The following RHOH variants were observed in gnomAD, a reference collection of about 807,000 sequenced individuals.
RHOH encodes the protein rho-related GTP-binding protein RhoH.
A neutral mutation model predicts 13.8 loss-of-function variants in RHOH; 6 were observed. The ratio of observed to expected loss-of-function variants is 0.44; its 90% CI spans 0.24 to 0.86. RHOH has a LOEUF of 0.86. RHOH is among the 40% of genes least tolerant of loss of function. The pLI, the probability that RHOH is intolerant of heterozygous loss-of-function variation, is 0.24. For missense variants in RHOH, 147 were observed against 244.5 expected (o/e 0.60, Z 2.66); for synonymous variants, 117 against 103.0 (o/e 1.14, Z -0.82).
chr4:40,217,641 A>C (rs904210770), intron 1 of RHOH, among the ~76,000 whole-genome samples: 1 of 152,238 alleles, frequency 6.6e-6, no homozygotes, highest in Non-Finnish European at 1.5e-5. Context: ...AATAGTAAGG[A>C]ATTCAATGAT....
At chr4:40,215,522 A>T (rs1416160315) in intron 1 of RHOH, among the ~76,000 whole-genome samples, 1 of 152,068 alleles carries the variant, frequency 6.6e-6, no homozygotes, top group Admixed American at 6.5e-5. Flanking sequence ...CCTTCTCTAA[A>T]CAGAGTCTAA....
At chr4:40,240,416 T>G (rs148165393) in intron 1 of RHOH, 56 of 152,054 alleles carry the variant, frequency 3.7e-4, no homozygotes, top group African/African-American at 1.3e-3. Flanking sequence ...GAGGCTGCAG[T>G]GAACCACCAT....
At position 40,243,049 on chromosome 4, in the gene RHOH, A is replaced by G; in HGVS notation, c.-209-129A>G. Reference sequence around the variant, plus strand: ...TGTGAGGGGAAGAGTGGATTGCACAAGCGGGGTTGGATGGCTACACTGAGA... The same window carrying G: ...TGTGAGGGGAAGAGTGGATTGCACAGGCGGGGTTGGATGGCTACACTGAGA... On this transcript the variant is annotated intron_variant, in intron 2 of 2. Coordinates refer to ENST00000381799, the MANE Select transcript of RHOH (RefSeq NM_004310.5). This position sits in a 1 kb window ranked among gnomAD's most constrained non-coding sequence, Gnocchi z 6.2. 4.2e-6 allele frequency: 1 copy of G among 236,710 alleles called. No homozygotes were observed. The highest frequency in any genetic ancestry group is 5.4e-5 in the Admixed American group (1 of 18,634). 14.7% of individuals were successfully genotyped at this position (236,710 alleles called of 1,614,324 possible). A position where few individuals can be genotyped will look rare whatever the true frequency, so the allele number is the denominator to read the frequency against.
At chr4:40,204,843 C>G (rs1299124875) in intron 1 of RHOH, among the ~76,000 whole-genome samples, 1 of 152,172 alleles carries the variant, frequency 6.6e-6, no homozygotes, top group African/African-American at 2.4e-5. Flanking sequence ...ATGATTAATG[C>G]TCTAAATCCT....
At chr4:40,229,631 T>C in intron 1 of RHOH, among the ~76,000 whole-genome samples, 1 of 128,300 alleles carries the variant, frequency 7.8e-6, no homozygotes, top group Non-Finnish European at 1.6e-5. Context: ...TGAAACGCCA[T>C]CTCAAAAAAA....
Position 40,246,253 on chromosome 4 carries a change from T to A in RHOH, c.*2291T>A, listed in dbSNP as rs555157673. The A allele has an allele frequency of 6.6e-5, 10 of 152,316 alleles. No homozygotes were observed. Among genetic ancestry groups the A allele is most frequent in the African/African-American group, 2.4e-4 (10 of 41,550 alleles). 9.4% of individuals were successfully genotyped at this position (152,316 alleles called of 1,614,324 possible). A position where few individuals can be genotyped will look rare whatever the true frequency, so the allele number is the denominator to read the frequency against. On this transcript the variant is annotated 3_prime_UTR_variant, in exon 3 of 3. Transcript: ENST00000381799. Reference sequence around the variant, plus strand: ...CACTGCAGTGGGCTGTCCCCCAGGCTTTTCTTTCTCTCTTGTTGAAGAGAG... The same window carrying A: ...CACTGCAGTGGGCTGTCCCCCAGGCATTTCTTTCTCTCTTGTTGAAGAGAG...
intron 1 of RHOH, among the ~76,000 whole-genome samples, chr4:40,220,261 G>A (rs1726392160): frequency 6.6e-6 from 1 of 151,982 alleles, no homozygotes; most frequent in African/African-American, 2.4e-5. Flanking sequence ...AAGTTCAAAT[G>A]TTCCTCCTCT....
At chr4:40,236,159 A>G (rs1297641909) in intron 1 of RHOH, among the ~76,000 whole-genome samples, 1 of 152,090 alleles carries the variant, frequency 6.6e-6, no homozygotes, top group Non-Finnish European at 1.5e-5. Flanking sequence ...GTTGGGTCTA[A>G]CTTTGCCTCT....
At chr4:40,200,782 G>T (rs1723872963) in intron 1 of RHOH, among the ~76,000 whole-genome samples, 1 of 152,190 alleles carries the variant, frequency 6.6e-6, no homozygotes, top group Admixed American at 6.5e-5. Flanking sequence ...AAACCAAAGT[G>T]TTGTATACAT....
At chr4:40,217,361 C>T (rs773048640) in intron 1 of RHOH, among the ~76,000 whole-genome samples, 2 of 152,008 alleles carry the variant, frequency 1.3e-5, no homozygotes, top group Non-Finnish European at 2.9e-5. Flanking sequence ...AAGGATCATG[C>T]GATTTTATTT....
intron 1 of RHOH, among the ~76,000 whole-genome samples, chr4:40,203,091 C>A (rs999636575): frequency 2.6e-5 from 4 of 152,114 alleles, no homozygotes; most frequent in Non-Finnish European, 5.9e-5. Flanking sequence ...CCTGCCTCAG[C>A]CTCCGGAGTA....
chr4:40,217,883 A>G (rs954019822), intron 1 of RHOH, among the ~76,000 whole-genome samples: 1 of 152,202 alleles, frequency 6.6e-6, no homozygotes, highest in African/African-American at 2.4e-5. Flanking sequence ...GTGGCGTCAA[A>G]GATGGATGTC....
At chr4:40,240,729 A>T (rs1025261052) in intron 1 of RHOH, among the ~76,000 whole-genome samples, 3 of 152,150 alleles carry the variant, frequency 2.0e-5, no homozygotes, top group African/African-American at 7.2e-5. Context: ...GTGAGCCGAG[A>T]TCGAGCCACT....
chr4:40,218,959 G>GA lies in RHOH; in HGVS notation c.-331+21660dup, dbSNP rs986580807. 1.3e-5 allele frequency among the ~76,000 whole-genome samples: 2 copies of GA among 152,148 alleles called. No homozygotes were observed. Among genetic ancestry groups the GA allele is most frequent in the African/African-American group, 4.8e-5 (2 of 41,430 alleles). Reference sequence around the variant, plus strand: ...ATTTAATATTATATTTGTATTTTAAGATTGATCCATAATGGAAGGAATTGT... The same window carrying GA: ...ATTTAATATTATATTTGTATTTTAAGAATTGATCCATAATGGAAGGAATTGT... On this transcript the variant is annotated intron_variant, in intron 1 of 2. Transcript: ENST00000381799. This position sits in a 1 kb window ranked among gnomAD's most constrained non-coding sequence, Gnocchi z 4.1.
At chr4:40,205,981 A>AT (rs1219704655) in intron 1 of RHOH, 2 of 152,182 alleles carry the variant, frequency 1.3e-5, no homozygotes, top group Non-Finnish European at 2.9e-5. Flanking sequence ...CCATGACTAC[A>AT]TTTCTTGTAA....
intron 1 of RHOH, among the ~76,000 whole-genome samples, chr4:40,220,494 T>A (rs1205490414): frequency 6.6e-6 from 1 of 152,168 alleles, no homozygotes; most frequent in African/African-American, 2.4e-5. Context: ...TTTATGGTGA[T>A]GAAGTACAGC....
chr4:40,231,318 ATTTTTT>A (rs3071888), intron 1 of RHOH, among the ~76,000 whole-genome samples: 21 of 127,762 alleles, frequency 1.6e-4, no homozygotes, highest in Non-Finnish European at 3.1e-4. Flanking sequence ...TTCTTAGGTG[ATTTTTT>A]TTTTTTTTTT....
intron 1 of RHOH, among the ~76,000 whole-genome samples, chr4:40,237,578 A>G (rs1728740321): frequency 1.3e-5 from 2 of 152,190 alleles, no homozygotes; most frequent in South Asian, 2.1e-4. Context: ...TGAAGGGGCT[A>G]TTGAAGGTGC....
At chr4:40,195,294 A>G (rs889401806), upstream of RHOH, among the ~76,000 whole-genome samples, 12 of 152,106 alleles carry the variant, frequency 7.9e-5, no homozygotes, top group Non-Finnish European at 1.8e-4. Flanking sequence ...CTCAGCTGAT[A>G]ACATCACCAT....
Sources: gnomAD v4.1 joint callset for allele counts (sites outside exome capture counted in the v4.1 genomes callset) on GRCh38, gnomAD v4.1.1 for gene constraint, Gnocchi (gnomAD v3.1) non-coding constraint, MANE v1.5 for transcripts, NCBI Gene and HGNC (gene_info 2026-07-23, HGNC 2026-07-21) for gene names.